OSBPL1A: variants seen among roughly 807,000 people sequenced by gnomAD.
The protein encoded by OSBPL1A is oxysterol-binding protein-related protein 1.
In OSBPL1A, 80 loss-of-function variants were observed where a neutral mutation model predicts 137.1. The observed-to-expected ratio is 0.58, with a 90% CI of 0.49 to 0.70. OSBPL1A has a LOEUF of 0.70. Among genes scored for constraint, OSBPL1A ranks in the 30% least tolerant of loss-of-function variants. OSBPL1A has a pLI of 0.00. For synonymous variants in OSBPL1A, 365 were observed against 389.7 expected, an observed-to-expected ratio of 0.94 and a Z score of 0.75; for missense variants, 970 against 1,129.4, an observed-to-expected ratio of 0.86 and a Z score of 2.02.
At chr18:24,282,021 T>C (rs942383586) in intron 14 of OSBPL1A, among the ~76,000 whole-genome samples, 4 of 152,168 alleles carry the variant, frequency 2.6e-5, no homozygotes, top group African/African-American at 9.7e-5. Flanking sequence ...GAGAATCTAA[T>C]GCCTGATGAT....
At chr18:24,195,441 G>A (rs938455733) in intron 18 of OSBPL1A, among the ~76,000 whole-genome samples, 10 of 152,318 alleles carry the variant, frequency 6.6e-5, no homozygotes, top group African/African-American at 2.4e-4. Context: ...GGAAAGTTCT[G>A]GAGTGCTCCC....
chr18:24,323,747 T>C lies in OSBPL1A; in HGVS notation c.626-4938A>G, dbSNP rs1437310919. Among the ~76,000 whole-genome samples, 3 of 21,294 alleles carry C rather than the reference T, an allele frequency of 1.4e-4. 1 individual carries two copies. Among genetic ancestry groups the C allele is most frequent in the Non-Finnish European group, 2.6e-4 (3 of 11,652 alleles). The allele number at this position is 21,294 out of a possible 152,430, so 14.0% of individuals were successfully genotyped here. On this transcript the variant is annotated intron_variant, in intron 7 of 27. Transcript: ENST00000319481. Reference sequence around the variant, plus strand: ...CCAGAGTGTGATATTCCCCTTCCTGTGTCCATGTGATCTCATTGTTCAATT... The same window carrying C: ...CCAGAGTGTGATATTCCCCTTCCTGCGTCCATGTGATCTCATTGTTCAATT...
At chr18:24,255,288 T>C (rs1325152611) in intron 15 of OSBPL1A, among the ~76,000 whole-genome samples, 1 of 152,184 alleles carries the variant, frequency 6.6e-6, no homozygotes. Context: ...GGAGAACTAA[T>C]ATCAATCGTA....
intron 16 of OSBPL1A, among the ~76,000 whole-genome samples, chr18:24,230,404 A>G (rs2088233947): frequency 6.6e-6 from 1 of 152,214 alleles, no homozygotes; most frequent in African/African-American, 2.4e-5. Flanking sequence ...GTCACGTTGG[A>G]AAGTTTATGT....
chr18:24,314,969 A>G (rs1599654622), intron 11 of OSBPL1A, among the ~76,000 whole-genome samples: 1 of 152,190 alleles, frequency 6.6e-6, no homozygotes. Flanking sequence ...ATGGGTTAAG[A>G]ATGGGAAAAG....
At chr18:24,231,749 G>T (rs1284936551) in intron 16 of OSBPL1A, among the ~76,000 whole-genome samples, 1 of 152,168 alleles carries the variant, frequency 6.6e-6, no homozygotes, top group Admixed American at 6.5e-5. Context: ...GATCCTGACC[G>T]CTATGCTCCT....
chr18:24,358,880 G>C (rs2091578526), intron 4 of OSBPL1A, among the ~76,000 whole-genome samples: 1 of 152,136 alleles, frequency 6.6e-6, no homozygotes, highest in African/African-American at 2.4e-5. Flanking sequence ...AGAGTAGCTG[G>C]GACTACAAGC....
chr18:24,391,177 A>G (rs1400450299), intron 1 of OSBPL1A, among the ~76,000 whole-genome samples: 1 of 152,212 alleles, frequency 6.6e-6, no homozygotes, highest in African/African-American at 2.4e-5. Flanking sequence ...AAGTGAAATA[A>G]ATCACTCACA....
intron 16 of OSBPL1A, 132 bp downstream of exon 16, chr18:24,239,088 C>T (rs373581326): frequency 3.8e-6 from 4 of 1,057,086 alleles, no homozygotes; most frequent in East Asian, 2.5e-5. Context: ...TATACCAATA[C>T]ATCGCTATCT....
Position 24,191,835 on chromosome 18 carries a change from G to A in OSBPL1A, c.1677+4290C>T, listed in dbSNP as rs537139732. On this transcript the variant is annotated intron_variant, in intron 18 of 27. Transcript: ENST00000319481. ...AGTTTCACCCCTACAAAAAGGACAC[G>A]AAGTTAACTGAGTTATCCTATAGGA... Among the ~76,000 whole-genome samples the A allele has an allele frequency of 1.6e-4, 24 of 152,256 alleles. No individual in the cohort carries two copies. The East Asian group carries it at 2.5e-3, about 16-fold the overall frequency.
At chr18:24,373,679 G>A (rs1905852668) in intron 2 of OSBPL1A, among the ~76,000 whole-genome samples, 1 of 151,946 alleles carries the variant, frequency 6.6e-6, no homozygotes, top group Admixed American at 6.6e-5. Flanking sequence ...TTTAATTCTT[G>A]CAGGAGAATT....
intron 17 of OSBPL1A, among the ~76,000 whole-genome samples, chr18:24,206,913 G>C (rs1213742376): frequency 6.6e-6 from 1 of 152,146 alleles, no homozygotes; most frequent in African/African-American, 2.4e-5. Flanking sequence ...GAGACTCTGA[G>C]ATTAGAGACT....
At chr18:24,376,345 A>G (rs1001070568) in intron 2 of OSBPL1A, among the ~76,000 whole-genome samples, 11 of 152,346 alleles carry the variant, frequency 7.2e-5, no homozygotes, top group Admixed American at 7.2e-4. Flanking sequence ...GTAGCTAGAT[A>G]CAGAGTATTG....
At chr18:24,392,408 C>A (rs1907421486) in intron 1 of OSBPL1A, among the ~76,000 whole-genome samples, 1 of 152,138 alleles carries the variant, frequency 6.6e-6, no homozygotes, top group Admixed American at 6.5e-5. Context: ...ATCTGCCCAC[C>A]TCGGCCTCCC....
chr18:24,377,516 C>T lies in OSBPL1A; in HGVS notation c.18G>A (p.Glu6=). The T allele has an allele frequency of 6.2e-7, 1 of 1,606,702 alleles. No individual in the cohort carries two copies. Among genetic ancestry groups the T allele is most frequent in the Non-Finnish European group, 8.5e-7 (1 of 1,178,304 alleles). Residue 6 remains glutamate, a synonymous_variant, in exon 2 of 28, where the codon GAG becomes GAA. Coordinates refer to ENST00000319481, the MANE Select transcript of OSBPL1A (RefSeq NM_080597.4). ...TTCTGGCGTGATGGAGAAGCTGTTG[C>T]TCCGCTTCTGTGTTCATTTCTAAAT... MNTEA[E]QQLLHHARNG... is the part of the protein sequence containing the mutation.
chr18:24,271,545 C>G lies in OSBPL1A; in HGVS notation c.1281+9297G>C. ...CCCTGGATCAAGTCTGGCCGCCCTC[C>G]CCGCTCCGTCCCCCGGCGTCCTCCG... On this transcript the variant is annotated intron_variant, in intron 15 of 27. Coordinates refer to ENST00000319481, the MANE Select transcript of OSBPL1A (RefSeq NM_080597.4). The surrounding 1 kb of genome is among the most constrained non-coding windows in gnomAD (Gnocchi z 4.0). 1 of 986,648 alleles carries G rather than the reference C, an allele frequency of 1.0e-6. No homozygotes were observed. Among genetic ancestry groups the G allele is most frequent in the Non-Finnish European group, 1.2e-6 (1 of 830,868 alleles). The allele number at this position is 986,648 out of a possible 1,614,324, so 61.1% of individuals were successfully genotyped here. A position where few individuals can be genotyped will look rare whatever the true frequency, so the allele number is the denominator to read the frequency against.
At chr18:24,196,363 T>C (rs140392421) in intron 17 of OSBPL1A, among the ~76,000 whole-genome samples, 163 bp from the exon 18 acceptor site, 1 of 152,338 alleles carries the variant, frequency 6.6e-6, no homozygotes, top group African/African-American at 2.4e-5. Flanking sequence ...GTTGCACCTG[T>C]TCACCTATAC....
intron 15 of OSBPL1A, among the ~76,000 whole-genome samples, chr18:24,241,013 C>T (rs1054202376): frequency 6.6e-6 from 1 of 152,174 alleles, no homozygotes; most frequent in African/African-American, 2.4e-5. Flanking sequence ...CTGACAAAAA[C>T]AAGCAATGGG....
At chr18:24,376,147 G>A (rs1186072435) in intron 2 of OSBPL1A, among the ~76,000 whole-genome samples, 1 of 152,206 alleles carries the variant, frequency 6.6e-6, no homozygotes, top group African/African-American at 2.4e-5. Flanking sequence ...GGCTCCGGCA[G>A]CCTGCTGTTA....
Sources: allele counts gnomAD v4.1 joint callset (sites outside exome capture counted in the v4.1 genomes callset), GRCh38; gene constraint gnomAD v4.1.1; non-coding constraint Gnocchi (gnomAD v3.1); transcripts MANE v1.5; gene names NCBI Gene and HGNC (gene_info 2026-07-23, HGNC 2026-07-21).